Variants in HS6ST3 observed in about 807,000 individuals in gnomAD.
The protein encoded by HS6ST3 is heparan-sulfate 6-O-sulfotransferase 3.
A neutral mutation model predicts 36.7 loss-of-function variants in HS6ST3; 12 were observed. That is an observed-to-expected ratio of 0.33 (90% confidence interval 0.21 to 0.53). HS6ST3 has a LOEUF of 0.53. Among genes scored for constraint, HS6ST3 ranks in the 20% least tolerant of loss-of-function variants. HS6ST3 has a pLI of 0.95. For missense variants in HS6ST3, 584 were observed against 640.9 expected, an observed-to-expected ratio of 0.91 and a Z score of 0.96; for synonymous variants, 240 against 257.5, an observed-to-expected ratio of 0.93 and a Z score of 0.65.
chr13:96,765,060 C>CTTTTTTTTTTTT (rs11423735), intron 1 of HS6ST3, among the ~76,000 whole-genome samples: 163 of 93,902 alleles, frequency 1.7e-3, no homozygotes, highest in Non-Finnish European at 2.3e-3. Flanking sequence ...TTGTTTCTTT[C>CTTTTTTTTTTTT]TTTTTTTTTT....
chr13:96,563,937 C>T lies in HS6ST3; in HGVS notation c.708-268553C>T, dbSNP rs142525865. Among the ~76,000 whole-genome samples, 796 of 152,214 alleles carry T rather than the reference C, an allele frequency of 5.2e-3. 7 individuals carry two copies. Among genetic ancestry groups the T allele is most frequent in the African/African-American group, 0.017 (723 of 41,538 alleles). On this transcript the variant is annotated intron_variant, in intron 1 of 1. Coordinates refer to ENST00000376705, the MANE Select transcript of HS6ST3 (RefSeq NM_153456.4). ...GCAGATACCTTCTAGACTTTTCTCC[C>T]GCTTCTATTTGTTGCCTTGCAGATA...
At position 96,091,342 on chromosome 13, in the gene HS6ST3, T is replaced by C; in HGVS notation, c.480T>C (p.Thr160=). The C allele has an allele frequency of 1.2e-6, 2 of 1,614,078 alleles. No individual in the cohort carries two copies. The highest frequency in any genetic ancestry group is 8.5e-7 in the Non-Finnish European group (1 of 1,179,998). The change falls in exon 1 of 2, where the codon ACT becomes ACC. Residue 160 remains threonine, a synonymous_variant. Transcript: ENST00000376705. ...ACATCCAGAAGACGGGGGGCACCAC[T>C]TTCGGCCGGCACCTGGTGAAGAACA... The part of the protein sequence containing the change: ...FLHIQKTGGT[T]FGRHLVKNIR...
intron 1 of HS6ST3, among the ~76,000 whole-genome samples, chr13:96,555,455 A>C (rs940121888): frequency 6.6e-6 from 1 of 151,930 alleles, no homozygotes; most frequent in South Asian, 2.1e-4. Context: ...TAAATATGAT[A>C]TTTTTAAAGA....
chr13:96,517,596 T>G (rs1362931915), intron 1 of HS6ST3, among the ~76,000 whole-genome samples: 1 of 151,712 alleles, frequency 6.6e-6, no homozygotes, highest in Non-Finnish European at 1.5e-5. Context: ...TACATTTTCC[T>G]TTTTTTCTTA....
intron 1 of HS6ST3, among the ~76,000 whole-genome samples, chr13:96,436,350 C>T (rs1456281436): frequency 6.6e-6 from 1 of 152,062 alleles, no homozygotes; most frequent in African/African-American, 2.4e-5. Flanking sequence ...TGTATAAATC[C>T]ATATTTTAAA....
At chr13:96,647,658 A>G (rs561705943) in intron 1 of HS6ST3, among the ~76,000 whole-genome samples, 2 of 152,202 alleles carry the variant, frequency 1.3e-5, no homozygotes, top group East Asian at 3.9e-4. Flanking sequence ...CGGAAAGCTG[A>G]AAGTTTGTAA....
At chr13:96,490,303 T>G in intron 1 of HS6ST3, among the ~76,000 whole-genome samples, 1 of 152,138 alleles carries the variant, frequency 6.6e-6, no homozygotes. Flanking sequence ...ACATGTGTTT[T>G]TATGGTAGTA....
intron 1 of HS6ST3, among the ~76,000 whole-genome samples, chr13:96,244,304 C>T (rs1043553587): frequency 5.3e-5 from 8 of 152,092 alleles, no homozygotes; most frequent in African/African-American, 1.9e-4. Flanking sequence ...AGAAGGTTGA[C>T]AAAGCGATCA....
chr13:96,782,230 A>G, intron 1 of HS6ST3, among the ~76,000 whole-genome samples: 1 of 152,214 alleles, frequency 6.6e-6, no homozygotes, highest in East Asian at 1.9e-4. Context: ...TCTTAAAGCA[A>G]AGAAGGCTGC....
At chr13:96,315,498 G>A (rs549081196) in intron 1 of HS6ST3, among the ~76,000 whole-genome samples, 1 of 151,912 alleles carries the variant, frequency 6.6e-6, no homozygotes, top group Admixed American at 6.6e-5. Flanking sequence ...GATTAATACA[G>A]GATCCTCTTT....
At position 96,200,378 on chromosome 13, in the gene HS6ST3, C is replaced by T. The variant is rs1024004148; in HGVS notation, c.707+108809C>T. On this transcript the variant is annotated intron_variant, in intron 1 of 1. Coordinates refer to ENST00000376705, the MANE Select transcript of HS6ST3 (RefSeq NM_153456.4). ...TTCCTATTTTGACAGGCCTGGCATT[C>T]TCCTGCCTTAGGACTTTGCACTGGC... Among the ~76,000 whole-genome samples, 3 of 152,210 alleles carry T rather than the reference C, an allele frequency of 2.0e-5. No homozygotes were observed. The East Asian group carries it at 5.8e-4, about 29-fold the overall frequency.
At chr13:96,198,477 G>T (rs7323137) in intron 1 of HS6ST3, among the ~76,000 whole-genome samples, 76,034 of 152,038 alleles carry the variant, frequency 0.5, 19,165 homozygotes, top group Admixed American at 0.59. Context: ...ATGCTCTGCT[G>T]CCCTTATAAA....
At chr13:96,404,700 T>A (rs2055468374) in intron 1 of HS6ST3, among the ~76,000 whole-genome samples, 2 of 152,174 alleles carry the variant, frequency 1.3e-5, no homozygotes, top group South Asian at 4.1e-4. Flanking sequence ...AACTTCACAC[T>A]AATCCACAGT....
At chr13:96,548,539 A>G (rs1343634164) in intron 1 of HS6ST3, among the ~76,000 whole-genome samples, 1 of 152,238 alleles carries the variant, frequency 6.6e-6, no homozygotes, top group Non-Finnish European at 1.5e-5. Flanking sequence ...CAGAACTAAT[A>G]GGAGGTATGG....
chr13:96,710,721 C>T (rs1233885762), intron 1 of HS6ST3, among the ~76,000 whole-genome samples: 1 of 152,202 alleles, frequency 6.6e-6, no homozygotes, highest in African/African-American at 2.4e-5. Context: ...CCTCCTAGGC[C>T]ACCTCCTGCC....
At chr13:96,380,264 CT>C (rs33958530) in intron 1 of HS6ST3, among the ~76,000 whole-genome samples, 62,560 of 135,714 alleles carry the variant, frequency 0.46, 14,203 homozygotes, top group Middle Eastern at 0.56. Flanking sequence ...TAAGTTAGCA[CT>C]TTTTTTTTTT....
intron 1 of HS6ST3, among the ~76,000 whole-genome samples, chr13:96,468,032 G>A (rs1419441772): frequency 6.6e-6 from 1 of 152,098 alleles, no homozygotes; most frequent in Non-Finnish European, 1.5e-5. Flanking sequence ...AATCCTGGGG[G>A]GAAGTATTCA....
At chr13:96,443,335 C>A (rs1042783512) in intron 1 of HS6ST3, among the ~76,000 whole-genome samples, 8 of 151,846 alleles carry the variant, frequency 5.3e-5, no homozygotes, top group African/African-American at 1.9e-4. Context: ...TTGAGACCAT[C>A]CTGGCTAACA....
chr13:96,479,370 A>G (rs567710037), intron 1 of HS6ST3, among the ~76,000 whole-genome samples: 2 of 152,246 alleles, frequency 1.3e-5, no homozygotes, highest in East Asian at 3.9e-4. Flanking sequence ...TGGAGAGGGG[A>G]ACGATTAGGA....
Sources: allele counts gnomAD v4.1 joint callset (sites outside exome capture counted in the v4.1 genomes callset), GRCh38; gene constraint gnomAD v4.1.1; transcripts MANE v1.5; gene names NCBI Gene and HGNC (gene_info 2026-07-23, HGNC 2026-07-21).